Variants in PCDH15 observed in about 807,000 individuals in gnomAD.
PCDH15 encodes protocadherin related 15, also known as protocadherin-15.
PCDH15 carries 129 observed loss-of-function variants against 178.5 expected under a neutral mutation model. That is an observed-to-expected ratio of 0.72 (90% CI 0.63 to 0.84). The LOEUF (loss-of-function observed/expected upper bound fraction) is 0.84. PCDH15 is among the 40% of genes least tolerant of loss of function. The pLI is 0.00. For synonymous variants in PCDH15, 800 were observed against 732.0 expected (o/e 1.09, Z -1.50); for missense variants, 2,230 against 2,099.9 (o/e 1.06, Z -1.21).
chr10:54,395,448 A>ACACC (rs974283409), intron 3 of PCDH15, among the ~76,000 whole-genome samples: 36 of 144,158 alleles, frequency 2.5e-4, no homozygotes, highest in Non-Finnish European at 2.8e-4. Flanking sequence ...ACACACACAC[A>ACACC]CCCACATTAA....
chr10:53,969,879 C>A (rs2089487148), intron 21 of PCDH15, among the ~76,000 whole-genome samples: 1 of 152,162 alleles, frequency 6.6e-6, no homozygotes, highest in Admixed American at 6.5e-5. Flanking sequence ...TGGAAAGGAA[C>A]AACCAGTACC....
At chr10:54,858,988 C>T (rs1953790585) in intron 3 of PCDH15, among the ~76,000 whole-genome samples, 1 of 151,976 alleles carries the variant, frequency 6.6e-6, no homozygotes, top group Non-Finnish European at 1.5e-5. Context: ...ATACACATAG[C>T]TTTATGTATC....
chr10:54,932,301 C>T (rs371809867), intron 2 of PCDH15, among the ~76,000 whole-genome samples: 7 of 152,066 alleles, frequency 4.6e-5, no homozygotes, highest in African/African-American at 1.4e-4. Flanking sequence ...ATTATTCTGA[C>T]CCTGTGTATG....
chr10:55,221,147 GCA>G (rs144628543), intron 1 of PCDH15, among the ~76,000 whole-genome samples: 79 of 151,824 alleles, frequency 5.2e-4, no homozygotes, highest in African/African-American at 1.9e-3. Context: ...GAAACAGATA[GCA>G]CACACACACA....
chr10:54,329,639 T>G lies in PCDH15; in HGVS notation c.662A>C (p.Asn221Thr). 2 of 1,609,154 alleles carry G rather than the reference T, an allele frequency of 1.2e-6. No individual in the cohort carries two copies. The highest frequency in any genetic ancestry group is 8.5e-7 in the Non-Finnish European group (1 of 1,175,826). Residue 221 changes from asparagine to threonine, a missense_variant, in exon 7 of 38, where the codon AAC (asparagine) becomes ACC (threonine). Coordinates refer to ENST00000644397, the MANE Select transcript of PCDH15 (RefSeq NM_001384140.1). ...AAAGTAGCGAGTCTTATCTTCATAGTTGAGCCTCTTCCTTAACACTATATT... is the reference window on the plus strand; with the variant it reads ...AAAGTAGCGAGTCTTATCTTCATAGGTGAGCCTCTTCCTTAACACTATATT... The part of the protein sequence containing the change: ...TGNIVLRKRL[N>T]YEDKTRYFVI...
intron 2 of PCDH15, among the ~76,000 whole-genome samples, chr10:55,579,802 A>AT (rs772880749): frequency 2.0e-5 from 3 of 151,670 alleles, no homozygotes; most frequent in Non-Finnish European, 4.4e-5. Flanking sequence ...ACGTATTGGG[A>AT]TTTTTTGGTT....
intron 2 of PCDH15, among the ~76,000 whole-genome samples, chr10:54,589,441 AC>A (rs1459167949): frequency 1.3e-5 from 2 of 151,914 alleles, no homozygotes; most frequent in Non-Finnish European, 2.9e-5. Flanking sequence ...CTCTCTCTGA[AC>A]CCCCATTGGC....
At chr10:55,067,287 T>A (rs1435749000) in intron 2 of PCDH15, among the ~76,000 whole-genome samples, 8 of 152,070 alleles carry the variant, frequency 5.3e-5, no homozygotes, top group Non-Finnish European at 1.0e-4. Context: ...TGTGTGTCCA[T>A]GAGATCAAGT....
chr10:55,528,168 C>G (rs954695769), intron 2 of PCDH15, among the ~76,000 whole-genome samples: 4 of 151,956 alleles, frequency 2.6e-5, no homozygotes, highest in Non-Finnish European at 4.4e-5. Context: ...TCTGGAGTGG[C>G]TGGGACTACA....
intron 25 of PCDH15, among the ~76,000 whole-genome samples, chr10:53,921,390 C>CT (rs11454362): frequency 0.7 from 105,309 of 150,746 alleles, 37,251 homozygotes; most frequent in East Asian, 1. Flanking sequence ...CCTAATATGA[C>CT]TTTTTTTTTA....
chr10:55,600,568 G>A (rs551258920), intron 2 of PCDH15, among the ~76,000 whole-genome samples: 35 of 152,128 alleles, frequency 2.3e-4, no homozygotes, highest in Admixed American at 7.2e-4. Context: ...ATGTTGGATC[G>A]GGACATCCTA....
intron 31 of PCDH15, 133 bp from the exon 32 acceptor site, chr10:53,827,681 T>TAAAC: frequency 9.6e-7 from 1 of 1,044,946 alleles, no homozygotes; most frequent in African/African-American, 1.6e-5. Flanking sequence ...CATCAATTTA[T>TAAAC]AAACAGATGT....
At chr10:54,580,123 G>T (rs2090902330) in intron 2 of PCDH15, among the ~76,000 whole-genome samples, 1 of 151,894 alleles carries the variant, frequency 6.6e-6, no homozygotes. Flanking sequence ...ACTAAAATCA[G>T]AGCAGAACTG....
chr10:54,482,946 T>A (rs1282710039), intron 3 of PCDH15, among the ~76,000 whole-genome samples: 1 of 151,720 alleles, frequency 6.6e-6, no homozygotes. Flanking sequence ...GGTACCAGAA[T>A]CTAAACAATG....
rs537554341 is a variant in PCDH15, at chr10:54,944,744, G to A, written c.-79-47244C>T. On this transcript the variant is annotated intron_variant, in intron 2 of 5. Coordinates refer to the PCDH15 transcript ENST00000458638. ...TAAGTATGAAATTTTATTGAGATAC[G>A]ATATGTGAGACTAAGGTGTGTGTAT... Among the ~76,000 whole-genome samples the A allele has an allele frequency of 2.6e-5, 4 of 151,924 alleles. No homozygotes were observed. The South Asian group carries it at 6.2e-4, about 24-fold the overall frequency.
At chr10:53,909,699 G>T (rs78974676) in intron 25 of PCDH15, among the ~76,000 whole-genome samples, 14,840 of 152,104 alleles carry the variant, frequency 0.098, 1,732 homozygotes, top group African/African-American at 0.26. Flanking sequence ...AAGCACGGTG[G>T]GACATCACAT....
intron 2 of PCDH15, among the ~76,000 whole-genome samples, chr10:55,455,384 T>A (rs1839527725): frequency 6.6e-6 from 1 of 152,182 alleles, no homozygotes; most frequent in Non-Finnish European, 1.5e-5. Context: ...TAAGTTTTTT[T>A]CAAGATTACA....
intron 3 of PCDH15, among the ~76,000 whole-genome samples, chr10:54,468,927 A>C (rs1326983840): frequency 6.6e-6 from 1 of 152,044 alleles, no homozygotes; most frequent in Non-Finnish European, 1.5e-5. Flanking sequence ...TTTTTGATTA[A>C]AATTCAACTT....
intron 1 of PCDH15, among the ~76,000 whole-genome samples, chr10:55,315,373 T>C (rs960925777): frequency 6.6e-6 from 1 of 152,210 alleles, no homozygotes; most frequent in African/African-American, 2.4e-5. Context: ...TTTTAAAATA[T>C]ACTAGAGTTT....
Sources: allele counts gnomAD v4.1 joint callset (sites outside exome capture counted in the v4.1 genomes callset), GRCh38; gene constraint gnomAD v4.1.1; transcripts MANE v1.5; gene names NCBI Gene and HGNC (gene_info 2026-07-23, HGNC 2026-07-21).